The following SOX5 variants were observed in gnomAD, a reference collection of about 807,000 sequenced individuals.
SOX5 encodes the protein transcription factor SOX-5.
Under a neutral mutation model 92.0 loss-of-function variants are expected in SOX5, and 9 were observed. The observed-to-expected ratio is 0.10, with a 90% CI of 0.06 to 0.17. The LOEUF is 0.17. Among genes scored for constraint, SOX5 ranks in the 10% least tolerant of loss-of-function variants. SOX5 has a pLI of 1.00. For synonymous variants in SOX5, 344 were observed against 336.3 expected (o/e 1.02, Z -0.25); for missense variants, 642 against 944.5 (o/e 0.68, Z 4.20).
intron 4 of SOX5, among the ~76,000 whole-genome samples, chr12:24,061,639 C>A (rs1939721725): frequency 1.3e-5 from 2 of 151,412 alleles, no homozygotes; most frequent in East Asian, 3.9e-4. Flanking sequence ...TGAGAACTTT[C>A]TTCCATGTTA....
At chr12:23,541,778 C>A (rs1942096460) in intron 13 of SOX5, among the ~76,000 whole-genome samples, 1 of 152,116 alleles carries the variant, frequency 6.6e-6, no homozygotes, top group Non-Finnish European at 1.5e-5. Context: ...ACCTTGTGGA[C>A]TAGGTGGCAT....
rs1939126011 is a variant in SOX5 at position 23,531,716 on chromosome 12, C to G, written c.*2503G>C. On this transcript the variant is annotated 3_prime_UTR_variant, in exon 15 of 15. Transcript: ENST00000451604. ...AAACAAAAACAAAAAAAAATTGGCTCTAGATGACTGTGGCAATTAAATAAC... is the reference window on the plus strand; with the variant it reads ...AAACAAAAACAAAAAAAAATTGGCTGTAGATGACTGTGGCAATTAAATAAC... 1 of 152,024 alleles carries G rather than the reference C, an allele frequency of 6.6e-6. No individual in the cohort carries two copies. The highest frequency in any genetic ancestry group is 6.5e-5 in the Admixed American group (1 of 15,268). The allele number at this position is 152,024 out of a possible 1,614,324, so 9.4% of individuals were successfully genotyped here.
intron 9 of SOX5, among the ~76,000 whole-genome samples, chr12:23,596,004 T>C (rs1952360496): frequency 6.6e-6 from 1 of 152,216 alleles, no homozygotes; most frequent in Non-Finnish European, 1.5e-5. Context: ...ATTGCGAGAC[T>C]CTAGGCAGAA....
At chr12:23,590,874 T>C (rs1266273219) in intron 9 of SOX5, among the ~76,000 whole-genome samples, 2 of 152,034 alleles carry the variant, frequency 1.3e-5, no homozygotes, top group Non-Finnish European at 2.9e-5. Flanking sequence ...GTCTCTTGCT[T>C]GGAACAGATA....
At chr12:24,152,761 A>G (rs1316437776) in intron 4 of SOX5, among the ~76,000 whole-genome samples, 1 of 152,084 alleles carries the variant, frequency 6.6e-6, no homozygotes, top group Non-Finnish European at 1.5e-5. Context: ...ACAGGATAGT[A>G]TTGTTTTATT....
At chr12:24,057,521 T>C (rs546802933) in intron 4 of SOX5, among the ~76,000 whole-genome samples, 48 of 152,328 alleles carry the variant, frequency 3.2e-4, no homozygotes, top group African/African-American at 1.2e-3. Flanking sequence ...TTCTACATGA[T>C]GTAATCGTTT....
chr12:24,279,610 T>A (rs747281149), intron 2 of SOX5, among the ~76,000 whole-genome samples: 4 of 151,812 alleles, frequency 2.6e-5, no homozygotes, highest in Non-Finnish European at 5.9e-5. Context: ...AGAGAAAAAA[T>A]TTTCTTAAAA....
intron 3 of SOX5, among the ~76,000 whole-genome samples, chr12:23,802,525 T>C (rs1425304858): frequency 1.3e-5 from 2 of 152,144 alleles, no homozygotes; most frequent in East Asian, 3.9e-4. Context: ...TGGAGTCTTA[T>C]ATCCCAAAAT....
At chr12:23,729,510 G>T (rs1197798184) in intron 6 of SOX5, among the ~76,000 whole-genome samples, 1 of 152,136 alleles carries the variant, frequency 6.6e-6, no homozygotes, top group Non-Finnish European at 1.5e-5. Context: ...TATTTTCTTT[G>T]CTCTACCCTT....
chr12:23,810,711 T>G (rs1468786642), intron 3 of SOX5, among the ~76,000 whole-genome samples: 1 of 152,168 alleles, frequency 6.6e-6, no homozygotes, highest in African/African-American at 2.4e-5. Flanking sequence ...TCAGCCTTTA[T>G]CAGTTTTTAA....
intron 3 of SOX5, among the ~76,000 whole-genome samples, chr12:23,801,276 G>A (rs1006563651): frequency 6.6e-6 from 1 of 152,062 alleles, no homozygotes; most frequent in Non-Finnish European, 1.5e-5. Flanking sequence ...GGAAAAAGGG[G>A]ACCAATAGAA....
upstream of SOX5, among the ~76,000 whole-genome samples, chr12:23,950,398 C>T (rs534024257): frequency 7.2e-5 from 11 of 152,248 alleles, no homozygotes; most frequent in South Asian, 1.7e-3. Flanking sequence ...CTCACTCTGT[C>T]GGTCTCACTG....
intron 2 of SOX5, among the ~76,000 whole-genome samples, chr12:24,308,842 T>G (rs1005724482): frequency 6.6e-6 from 1 of 152,210 alleles, no homozygotes; most frequent in African/African-American, 2.4e-5. Context: ...TGAGTGTATA[T>G]GGACAGTGCC....
intron 1 of SOX5, among the ~76,000 whole-genome samples, chr12:24,463,450 T>C (rs1408485550): frequency 2.6e-5 from 4 of 152,176 alleles, no homozygotes; most frequent in Non-Finnish European, 5.9e-5. Context: ...AAAGTTACTA[T>C]GTTGTATTTA....
chr12:23,593,013 A>C (rs1292801367), intron 9 of SOX5, among the ~76,000 whole-genome samples: 3 of 152,170 alleles, frequency 2.0e-5, no homozygotes, highest in Non-Finnish European at 4.4e-5. Flanking sequence ...TGGGAGGCAA[A>C]GGTTGCAGTG....
At position 24,110,657 on chromosome 12, in the gene SOX5, G is replaced by A. The variant is rs145477201; in HGVS notation, c.-2+102686C>T. 4.6e-3 allele frequency among the ~76,000 whole-genome samples: 694 copies of A among 152,040 alleles called. 3 individuals carry two copies. The highest frequency in any genetic ancestry group is 0.01 in the Middle Eastern group (3 of 294). The stretch of plus-strand genomic sequence containing the variant: ...TCCCAGCACTTTGGGAGGCCGAGGC[G>A]GACGGATCACGAGGTCAGGAGATTG... On this transcript the variant is annotated intron_variant, in intron 4 of 4. Coordinates refer to the SOX5 transcript ENST00000446891.
chr12:23,855,539 T>A (rs1004452651), intron 2 of SOX5, among the ~76,000 whole-genome samples: 9 of 152,134 alleles, frequency 5.9e-5, no homozygotes, highest in Non-Finnish European at 1.0e-4. Flanking sequence ...ACTTTTTATG[T>A]CATGTTTCTA....
intron 4 of SOX5, among the ~76,000 whole-genome samples, chr12:24,212,720 G>C (rs1475466987): frequency 1.3e-5 from 2 of 152,202 alleles, no homozygotes; most frequent in Non-Finnish European, 2.9e-5. Flanking sequence ...AACTAACCTT[G>C]CACAATGACT....
Position 23,531,336 on chromosome 12 carries a change from C to T in SOX5, c.*2883G>A, listed in dbSNP as rs779728614. ...TCACCATTAACAATTTTGTTTTCCC[C>T]TTCAAATAAAACAAAATATAACAAA... On this transcript the variant is annotated 3_prime_UTR_variant, in exon 15 of 15. Coordinates refer to ENST00000451604, the MANE Select transcript of SOX5 (RefSeq NM_006940.6). The T allele has an allele frequency of 6.6e-6, 1 of 152,050 alleles. No homozygotes were observed. Among genetic ancestry groups the T allele is most frequent in the Non-Finnish European group, 1.5e-5 (1 of 68,012 alleles). 9.4% of individuals were successfully genotyped at this position (152,050 alleles called of 1,614,324 possible). A position where few individuals can be genotyped will look rare whatever the true frequency, so the allele number is the denominator to read the frequency against.
Sources: allele counts gnomAD v4.1 joint callset (sites outside exome capture counted in the v4.1 genomes callset), GRCh38; gene constraint gnomAD v4.1.1; transcripts MANE v1.5; gene names NCBI Gene and HGNC (gene_info 2026-07-23, HGNC 2026-07-21).